The following PXDNL variants were observed in gnomAD, a reference collection of about 807,000 sequenced individuals.
PXDNL encodes the protein peroxidasin like, also known as probable oxidoreductase PXDNL.
A neutral mutation model predicts 150.8 loss-of-function variants in PXDNL; 145 were observed. That is an observed-to-expected ratio of 0.96 (90% CI 0.84 to 1.10). The LOEUF (loss-of-function observed/expected upper bound fraction) is 1.10, where lower values mean the gene tolerates loss of function less well. Ranked by LOEUF, PXDNL falls within the 50% of genes least tolerant of loss-of-function variation. PXDNL has a pLI of 0.00. For synonymous variants in PXDNL, 757 were observed against 725.7 expected (o/e 1.04, Z -0.69); for missense variants, 2,087 against 1,873.9 (o/e 1.11, Z -2.10).
At chr8:51,419,531 C>T (rs1035757590) in intron 14 of PXDNL, among the ~76,000 whole-genome samples, 1 of 152,056 alleles carries the variant, frequency 6.6e-6, no homozygotes, top group African/African-American at 2.4e-5. Flanking sequence ...CCAAAGTGGC[C>T]GAGATCAGTG....
At chr8:51,379,525 G>GTTTTTTT (rs1039739320) in intron 17 of PXDNL, among the ~76,000 whole-genome samples, 2 of 149,722 alleles carry the variant, frequency 1.3e-5, no homozygotes, top group Non-Finnish European at 3.0e-5. Flanking sequence ...TTTTAATTGG[G>GTTTTTTT]TTTTTTTTTC....
At chr8:51,603,270 G>A (rs1433573604) in intron 2 of PXDNL, among the ~76,000 whole-genome samples, 2 of 151,114 alleles carry the variant, frequency 1.3e-5, no homozygotes, top group Non-Finnish European at 3.0e-5. Flanking sequence ...TAAATTTTAG[G>A]AACATCCGTC....
At chr8:51,472,568 A>G (rs950836384) in intron 7 of PXDNL, among the ~76,000 whole-genome samples, 11 of 152,310 alleles carry the variant, frequency 7.2e-5, no homozygotes, top group Admixed American at 7.2e-4. Flanking sequence ...TATTTCTAGG[A>G]GCTCAATACA....
In PXDNL at chr8:51,519,602, G is replaced by A. The variant is rs529251165; in HGVS notation, c.381-19832C>T. 4.6e-5 allele frequency among the ~76,000 whole-genome samples: 7 copies of A among 152,044 alleles called. No homozygotes were observed. In the South Asian group the frequency reaches 1.5e-3, roughly 32 times the overall value. On this transcript the variant is annotated intron_variant, in intron 4 of 22. Coordinates refer to ENST00000356297, the MANE Select transcript of PXDNL (RefSeq NM_144651.5). ...AAGGAAGAGGAGAAAGAGGAGGAAA[G>A]ATAAATTGCTTATCATATGGAAGGG...
intron 4 of PXDNL, among the ~76,000 whole-genome samples, chr8:51,517,414 T>TA (rs5891418): frequency 0.085 from 12,997 of 152,216 alleles, 692 homozygotes; most frequent in East Asian, 0.24. Context: ...TACTCAAGTT[T>TA]AAAACCAATA....
chr8:51,720,191 T>TAAAA (rs74313593), intron 1 of PXDNL, among the ~76,000 whole-genome samples: 24 of 144,086 alleles, frequency 1.7e-4, no homozygotes, highest in African/African-American at 5.5e-4. Flanking sequence ...TATTCCCTCC[T>TAAAA]AAAAAAAAAA....
intron 21 of PXDNL, among the ~76,000 whole-genome samples, chr8:51,338,147 C>T (rs1370069212): frequency 6.9e-6 from 1 of 145,444 alleles, no homozygotes; most frequent in Non-Finnish European, 1.5e-5. Flanking sequence ...CATGTCATTG[C>T]ACTCCAGCCT....
At chr8:51,403,487 G>A (rs1808331759) in intron 17 of PXDNL, among the ~76,000 whole-genome samples, 1 of 152,148 alleles carries the variant, frequency 6.6e-6, no homozygotes, top group Non-Finnish European at 1.5e-5. Context: ...CAGCTTCCCT[G>A]GCGCATCTTA....
At chr8:51,398,182 T>C (rs780763929) in intron 17 of PXDNL, among the ~76,000 whole-genome samples, 2 of 152,204 alleles carry the variant, frequency 1.3e-5, no homozygotes, top group Non-Finnish European at 2.9e-5. Context: ...GGGAAACTCA[T>C]GACAGTGGCC....
chr8:51,486,780 ATATATATATATATATTTTTTTTTT>A (rs1810760457), intron 5 of PXDNL, among the ~76,000 whole-genome samples: 1 of 17,798 alleles, frequency 5.6e-5, no homozygotes, highest in African/African-American at 2.1e-4. Flanking sequence ...ATATATATAT[ATATATATATATATATTTTTTTTTT>A]TTTTTTTTTT....
intron 2 of PXDNL, among the ~76,000 whole-genome samples, chr8:51,652,460 C>A (rs10594989): frequency 0.52 from 71,194 of 136,958 alleles, 20,577 homozygotes; most frequent in Non-Finnish European, 0.67. Context: ...CACACACACA[C>A]AAACACACAC....
intron 8 of PXDNL, among the ~76,000 whole-genome samples, chr8:51,469,670 T>G (rs1045254055): frequency 1.3e-5 from 2 of 152,028 alleles, no homozygotes; most frequent in African/African-American, 4.8e-5. Context: ...AGCTTCTGAG[T>G]TGGGGTATTT....
At position 51,797,601 on chromosome 8, in the gene PXDNL, G is replaced by C. The variant is rs185412479; in HGVS notation, c.164+11580C>G. Among the ~76,000 whole-genome samples, 708 of 152,114 alleles carry C rather than the reference G, an allele frequency of 4.7e-3. 1 individual carries two copies. The highest frequency in any genetic ancestry group is 0.014 in the Middle Eastern group (4 of 292). Reference sequence around the variant, plus strand: ...TGCTACAAAGAGAATAAAATACCTAGGAATACAACTTACAAGGTACGTGAA... The same window carrying C: ...TGCTACAAAGAGAATAAAATACCTACGAATACAACTTACAAGGTACGTGAA... On this transcript the variant is annotated intron_variant, in intron 1 of 22. Coordinates refer to ENST00000356297, the MANE Select transcript of PXDNL (RefSeq NM_144651.5).
intron 12 of PXDNL, among the ~76,000 whole-genome samples, chr8:51,429,450 G>A (rs577754446): frequency 9.7e-4 from 147 of 152,196 alleles, no homozygotes; most frequent in Non-Finnish European, 1.7e-3. Flanking sequence ...GCGTGGAGGT[G>A]TGAGCCTTTA....
chr8:51,682,301 T>G (rs1181900028), intron 1 of PXDNL, among the ~76,000 whole-genome samples: 1 of 152,222 alleles, frequency 6.6e-6, no homozygotes, highest in African/African-American at 2.4e-5. Context: ...TGTTTGCTAC[T>G]GTGGGCTACT....
At chr8:51,499,374 G>A (rs996936217) in intron 5 of PXDNL, among the ~76,000 whole-genome samples, 9 of 152,138 alleles carry the variant, frequency 5.9e-5, no homozygotes, top group Non-Finnish European at 7.4e-5. Context: ...CAGGTGATCC[G>A]CCCACCTCGG....
chr8:51,785,957 G>A (rs961246365), intron 1 of PXDNL, among the ~76,000 whole-genome samples: 34 of 152,200 alleles, frequency 2.2e-4, no homozygotes, highest in Admixed American at 2.1e-3. Flanking sequence ...CTTCAATTTT[G>A]TGAAGACTGA....
At chr8:51,534,422 C>G (rs1029718646) in intron 4 of PXDNL, among the ~76,000 whole-genome samples, 1 of 136,984 alleles carries the variant, frequency 7.3e-6, no homozygotes, top group Non-Finnish European at 1.5e-5. Context: ...GCCCGGCCGC[C>G]CCTACTGGGA....
chr8:51,363,083 C>T (rs1586035594), intron 19 of PXDNL, among the ~76,000 whole-genome samples: 1 of 152,120 alleles, frequency 6.6e-6, no homozygotes, highest in Non-Finnish European at 1.5e-5. Flanking sequence ...CAACATGACC[C>T]GTTCTTCCCT....
Sources: gnomAD v4.1 joint callset for allele counts (sites outside exome capture counted in the v4.1 genomes callset) on GRCh38, gnomAD v4.1.1 for gene constraint, MANE v1.5 for transcripts, NCBI Gene and HGNC (gene_info 2026-07-23, HGNC 2026-07-21) for gene names.